The following SLC39A11 variants were observed in gnomAD, a reference collection of about 807,000 sequenced individuals.
SLC39A11 encodes the protein solute carrier family 39 member 11, also known as zinc transporter ZIP11.
Under a neutral mutation model 36.1 loss-of-function variants are expected in SLC39A11, and 33 were observed. The observed-to-expected ratio is 0.91, with a 90% confidence interval of 0.69 to 1.22. SLC39A11 has a LOEUF of 1.22. Ranked by LOEUF, SLC39A11 falls within the 50% of genes most tolerant of loss-of-function variation. The pLI is 0.00. For synonymous variants in SLC39A11, 166 were observed against 170.3 expected, an observed-to-expected ratio of 0.97 and a Z score of 0.20; for missense variants, 432 against 430.3, an observed-to-expected ratio of 1.00 and a Z score of -0.03.
chr17:72,732,070 A>T (rs2074253030), intron 7 of SLC39A11, among the ~76,000 whole-genome samples: 1 of 14,044 alleles, frequency 7.1e-5, no homozygotes, highest in African/African-American at 1.8e-4. Context: ...TTTTTTTGAG[A>T]CAGAGTCTCG....
chr17:72,839,540 T>A (rs1351762244), intron 6 of SLC39A11: 2 of 152,342 alleles, frequency 1.3e-5, no homozygotes, highest in East Asian at 3.8e-4. Context: ...GAATGGATTA[T>A]CCCCTAGAGC....
At chr17:72,851,338 G>A (rs2079309449) in intron 5 of SLC39A11, among the ~76,000 whole-genome samples, 2 of 152,176 alleles carry the variant, frequency 1.3e-5, no homozygotes, top group African/African-American at 2.4e-5. Context: ...GGACAAGAGT[G>A]GGAGAGAGCA....
intron 3 of SLC39A11, among the ~76,000 whole-genome samples, chr17:73,076,944 C>T (rs532360397): frequency 1.8e-3 from 275 of 151,998 alleles, no homozygotes; most frequent in African/African-American, 6.2e-3. Context: ...ATGCCTCGTG[C>T]CCTGTGTGTT....
intron 7 of SLC39A11, among the ~76,000 whole-genome samples, chr17:72,661,630 G>A (rs2070424923): frequency 6.6e-6 from 1 of 152,204 alleles, no homozygotes; most frequent in South Asian, 2.1e-4. Context: ...AGGGCAGCCT[G>A]TCGAGGTGTT....
At chr17:72,735,702 C>A (rs553572215) in intron 7 of SLC39A11, among the ~76,000 whole-genome samples, 23 of 152,164 alleles carry the variant, frequency 1.5e-4, no homozygotes, top group Non-Finnish European at 1.9e-4. Flanking sequence ...TCCCCTGAAG[C>A]CACTTGAGTT....
At chr17:72,777,861 G>GTGTGTATA (rs2076185229) in intron 6 of SLC39A11, among the ~76,000 whole-genome samples, 1 of 95,060 alleles carries the variant, frequency 1.1e-5, no homozygotes, top group Non-Finnish European at 3.0e-5. Flanking sequence ...ATGTATGTAT[G>GTGTGTATA]TATGTATATA....
At chr17:72,885,863 G>C (rs1304726165) in intron 5 of SLC39A11, among the ~76,000 whole-genome samples, 1 of 152,194 alleles carries the variant, frequency 6.6e-6, no homozygotes, top group Non-Finnish European at 1.5e-5. Context: ...AGAGTTGAAT[G>C]TAATTGGAGA....
chr17:73,060,315 A>C (rs2059804497), intron 3 of SLC39A11, among the ~76,000 whole-genome samples: 1 of 151,882 alleles, frequency 6.6e-6, no homozygotes, highest in African/African-American at 2.4e-5. Flanking sequence ...TGGCAAAGGA[A>C]ATGAAGACTG....
At chr17:72,732,989 G>T (rs28560029) in intron 7 of SLC39A11, among the ~76,000 whole-genome samples, 1 of 152,120 alleles carries the variant, frequency 6.6e-6, no homozygotes, top group Admixed American at 6.5e-5. Context: ...AGTTGCACAC[G>T]CAAGTTCCTG....
At chr17:72,678,648 T>G (rs546765525) in intron 7 of SLC39A11, among the ~76,000 whole-genome samples, 1 of 151,808 alleles carries the variant, frequency 6.6e-6, no homozygotes, top group African/African-American at 2.4e-5. Context: ...AAGGTTGTAG[T>G]GAGCCGAGAT....
chr17:72,861,640 C>T (rs2079993785), intron 5 of SLC39A11, among the ~76,000 whole-genome samples: 1 of 90,200 alleles, frequency 1.1e-5, no homozygotes, highest in African/African-American at 4.7e-5. Flanking sequence ...ATACATGCAC[C>T]ATCTATATAC....
chr17:72,781,712 C>T (rs2076325509), intron 6 of SLC39A11, among the ~76,000 whole-genome samples: 1 of 152,148 alleles, frequency 6.6e-6, no homozygotes, highest in African/African-American at 2.4e-5. Flanking sequence ...AGCCACTGTA[C>T]CCGGTCCTTA....
At chr17:72,839,700 C>G (rs904292743) in intron 6 of SLC39A11, 2 of 152,168 alleles carry the variant, frequency 1.3e-5, no homozygotes, top group African/African-American at 4.8e-5. Context: ...CCAAAGAAAA[C>G]CAAGGCAGTC....
chr17:72,781,241 T>A (rs1442275805), intron 6 of SLC39A11, among the ~76,000 whole-genome samples: 1 of 152,110 alleles, frequency 6.6e-6, no homozygotes, highest in African/African-American at 2.4e-5. Context: ...TCCACGATCC[T>A]CTCAAACTCT....
At chr17:72,681,735 C>T (rs1173018276) in intron 7 of SLC39A11, among the ~76,000 whole-genome samples, 3 of 152,234 alleles carry the variant, frequency 2.0e-5, no homozygotes, top group Non-Finnish European at 1.5e-5. Context: ...CCAATACCTC[C>T]TCTTCCTCCT....
chr17:73,072,190 CCAAA>C (rs1190244734), intron 3 of SLC39A11: 10 of 152,312 alleles, frequency 6.6e-5, no homozygotes, highest in East Asian at 5.8e-4. Context: ...AAGGATGCCC[CCAAA>C]CAAAGAGGAA....
At position 72,750,613 on chromosome 17, in the gene SLC39A11, A is replaced by G. The variant is rs78170232; in HGVS notation, c.602-13894T>C. On this transcript the variant is annotated intron_variant, in intron 6 of 9. Transcript: ENST00000255559. Reference sequence around the variant, plus strand: ...GATACAGGTTCATTTATCACTCCCCACATGTGATTCCCACCAAAGTATTTC... The same window carrying G: ...GATACAGGTTCATTTATCACTCCCCGCATGTGATTCCCACCAAAGTATTTC... 2.5e-3 allele frequency among the ~76,000 whole-genome samples: 378 copies of G among 152,162 alleles called. 10 individuals carry two copies. The East Asian group carries it at 0.059, about 24-fold the overall frequency.
At chr17:72,825,725 G>A (rs1342409149) in intron 6 of SLC39A11, among the ~76,000 whole-genome samples, 2 of 152,248 alleles carry the variant, frequency 1.3e-5, no homozygotes. Flanking sequence ...CTGGATGTGA[G>A]ACATGGAGTT....
intron 6 of SLC39A11, among the ~76,000 whole-genome samples, chr17:72,808,082 T>C (rs2077320058): frequency 6.6e-6 from 1 of 152,002 alleles, no homozygotes; most frequent in Non-Finnish European, 1.5e-5. Context: ...TTGCTGGCCA[T>C]AAGTTCTGTG....
Sources: gnomAD v4.1 joint callset for allele counts (sites outside exome capture counted in the v4.1 genomes callset) on GRCh38, gnomAD v4.1.1 for gene constraint, MANE v1.5 for transcripts, NCBI Gene and HGNC (gene_info 2026-07-23, HGNC 2026-07-21) for gene names.